The following PTPRM variants were observed in gnomAD, a reference collection of about 807,000 sequenced individuals.
The protein encoded by PTPRM is receptor-type tyrosine-protein phosphatase mu.
PTPRM carries 47 observed loss-of-function variants against 186.7 expected under a neutral mutation model. The observed-to-expected ratio is 0.25, with a 90% CI of 0.20 to 0.32. The LOEUF (loss-of-function observed/expected upper bound fraction) is 0.32, where lower values mean the gene tolerates loss of function less well. Among genes scored for constraint, PTPRM ranks in the 10% least tolerant of loss-of-function variants. The pLI is 1.00. For missense variants in PTPRM, 1,494 were observed against 1,865.0 expected (o/e 0.80, Z 3.66); for synonymous variants, 668 against 674.9 (o/e 0.99, Z 0.16).
At chr18:8,252,127 C>T (rs1274373354) in intron 17 of PTPRM, among the ~76,000 whole-genome samples, 1 of 152,084 alleles carries the variant, frequency 6.6e-6, no homozygotes, top group Admixed American at 6.6e-5. Context: ...CTTCTTTGAC[C>T]AAATTTTGAC....
chr18:8,082,662 T>A (rs1193850287), intron 9 of PTPRM, among the ~76,000 whole-genome samples: 1 of 151,944 alleles, frequency 6.6e-6, no homozygotes, highest in Non-Finnish European at 1.5e-5. Flanking sequence ...ATACCTACAT[T>A]CATTAGGGAG....
chr18:7,793,873 G>A (rs1005484627), intron 2 of PTPRM, among the ~76,000 whole-genome samples: 2 of 152,084 alleles, frequency 1.3e-5, no homozygotes, highest in Non-Finnish European at 2.9e-5. Context: ...GCTGGACATC[G>A]AGGGGAAAAC....
intron 14 of PTPRM, among the ~76,000 whole-genome samples, chr18:8,216,847 A>T (rs1178804897): frequency 6.6e-6 from 1 of 152,248 alleles, no homozygotes; most frequent in Non-Finnish European, 1.5e-5. Context: ...GTAATCAAGT[A>T]ACTCGTCCAG....
At chr18:8,298,001 A>C (rs1033491261) in intron 20 of PTPRM, among the ~76,000 whole-genome samples, 11 of 152,298 alleles carry the variant, frequency 7.2e-5, no homozygotes, top group Middle Eastern at 6.8e-3. Flanking sequence ...GATACTGGAC[A>C]CTGAGGACGC....
chr18:8,384,656 C>A lies in PTPRM; in HGVS notation c.4014C>A (p.Ser1338Arg). The A allele has an allele frequency of 6.2e-7, 1 of 1,614,164 alleles. No homozygotes were observed. The highest frequency in any genetic ancestry group is 8.5e-7 in the Non-Finnish European group (1 of 1,180,022). The change falls in exon 30 of 33, where the codon AGC becomes AGA. Residue 1338 changes from serine (S) to arginine (R), a missense_variant. By Grantham distance (110) the Ser-to-Arg change is moderately radical. This residue lies in a region of PTPRM where 1,107 missense variants were observed against 1,350.2 expected (regional missense o/e 0.82). Coordinates refer to ENST00000580170, the MANE Select transcript of PTPRM (RefSeq NM_001105244.2). ...CTGACCTGGAAGAGGACATCATCAG[C>A]AGGATATTCCGCATTTACAATGCCG... ...VSADLEEDII[S>R]RIFRIYNAAR... is the part of the protein sequence containing the mutation.
At position 7,629,933 on chromosome 18, in the gene PTPRM, A is replaced by G. The variant is rs548020148; in HGVS notation, c.73+62042A>G. Among the ~76,000 whole-genome samples, 11 of 152,182 alleles carry G rather than the reference A, an allele frequency of 7.2e-5. No individual in the cohort carries two copies. In the South Asian group the frequency reaches 2.3e-3, roughly 32 times the overall value. On this transcript the variant is annotated intron_variant, in intron 1 of 32. Coordinates refer to ENST00000580170, the MANE Select transcript of PTPRM (RefSeq NM_001105244.2). ...AGTATTCCAGGTGAATGACAAGGGG[A>G]CATGAGGAGGTTTTTTTGGGAGCTA...
intron 23 of PTPRM, among the ~76,000 whole-genome samples, chr18:8,343,752 C>T (rs1229535255): frequency 3.3e-5 from 5 of 152,188 alleles, no homozygotes; most frequent in Admixed American, 1.3e-4. Context: ...GATTTAAAAG[C>T]AGTTGTTATC....
In PTPRM at chr18:7,668,672, C is replaced by G. The variant is rs527569798; in HGVS notation, c.73+100781C>G. 6.6e-6 allele frequency among the ~76,000 whole-genome samples: 1 copy of G among 152,126 alleles called. No homozygotes were observed. The highest frequency in any genetic ancestry group is 2.4e-5 in the African/African-American group (1 of 41,446). ...CCTGCCAGTGGGGCCTCTGCTGCCT[C>G]AGCTCCCTCCCTGGAGGCTGTAATG... On this transcript the variant is annotated intron_variant, in intron 1 of 32. Coordinates refer to ENST00000580170, the MANE Select transcript of PTPRM (RefSeq NM_001105244.2). The surrounding 1 kb of genome is among the most constrained non-coding windows in gnomAD (Gnocchi z 4.7).
At chr18:8,243,078 C>T (rs919319396) in intron 14 of PTPRM, among the ~76,000 whole-genome samples, 10 of 152,194 alleles carry the variant, frequency 6.6e-5, no homozygotes, top group Admixed American at 6.5e-4. Context: ...GTCTTGGGTA[C>T]ACAAAACAAT....
chr18:7,604,935 A>G (rs1370347496), intron 1 of PTPRM, among the ~76,000 whole-genome samples: 1 of 152,218 alleles, frequency 6.6e-6, no homozygotes, highest in Non-Finnish European at 1.5e-5. Flanking sequence ...TTTATTTGAT[A>G]TAGCTGCTAT....
intron 7 of PTPRM, among the ~76,000 whole-genome samples, chr18:8,057,452 A>G (rs866296223): frequency 0.025 from 1,514 of 60,548 alleles, 31 homozygotes; most frequent in African/African-American, 0.11. Context: ...TTTTTTAGCT[A>G]TTCTTTTTTT....
chr18:7,672,921 G>A (rs200687469), intron 1 of PTPRM, among the ~76,000 whole-genome samples: 1 of 152,188 alleles, frequency 6.6e-6, no homozygotes. Context: ...GGCCACCATC[G>A]TGACTGAGTG....
At chr18:7,815,215 C>T (rs999862978) in intron 2 of PTPRM, 1 of 152,260 alleles carries the variant, frequency 6.6e-6, no homozygotes, top group African/African-American at 2.4e-5. Flanking sequence ...TCCCACATGT[C>T]ATTACGTTTC....
intron 1 of PTPRM, among the ~76,000 whole-genome samples, chr18:7,752,463 G>T (rs935177051): frequency 6.6e-6 from 1 of 151,958 alleles, no homozygotes; most frequent in African/African-American, 2.4e-5. Context: ...TGCTCTTGTC[G>T]CCCAGGCTGG....
chr18:7,750,487 T>G lies in PTPRM; in HGVS notation c.74-23662T>G, dbSNP rs141424184. On this transcript the variant is annotated intron_variant, in intron 1 of 32. Transcript: ENST00000580170. ...TTGTGCAGCTGCGGATAGAATAACATTCCTCGTATCAGTCTTTACTCAGCT... is the reference window on the plus strand; with the variant it reads ...TTGTGCAGCTGCGGATAGAATAACAGTCCTCGTATCAGTCTTTACTCAGCT... 5.7e-3 allele frequency among the ~76,000 whole-genome samples: 865 copies of G among 152,294 alleles called. 10 individuals carry two copies. The highest frequency in any genetic ancestry group is 5.9e-3 in the Non-Finnish European group (404 of 68,018).
chr18:8,363,124 G>A (rs539784015), intron 23 of PTPRM, among the ~76,000 whole-genome samples: 27 of 152,302 alleles, frequency 1.8e-4, no homozygotes, highest in East Asian at 1.2e-3. Context: ...ACCACAGCCC[G>A]GAGCTAAGCA....
In PTPRM at chr18:8,370,937, C is replaced by T; in HGVS notation, c.3102C>T (p.Asp1034=). ...CAGATGACACAGAGATATATAAAGA[C>T]ATTAAAGTTACCCTAATAGAAACAG... The part of the protein sequence containing the change: ...YWPDDTEIYK[D]IKVTLIETEL... Residue 1034 remains aspartate (D), a synonymous_variant, in exon 24 of 33, where the codon GAC becomes GAT. Transcript: ENST00000580170. The T allele has an allele frequency of 6.2e-7, 1 of 1,607,878 alleles. No homozygotes were observed. Among genetic ancestry groups the T allele is most frequent in the Non-Finnish European group, 8.5e-7 (1 of 1,175,326 alleles).
chr18:7,694,049 T>C (rs1286544129), intron 1 of PTPRM, among the ~76,000 whole-genome samples: 2 of 152,198 alleles, frequency 1.3e-5, no homozygotes, highest in Non-Finnish European at 2.9e-5. Context: ...GTCATGTTGC[T>C]TTCTGCCATG....
intron 2 of PTPRM, among the ~76,000 whole-genome samples, chr18:7,819,003 A>G (rs1386037457): frequency 6.6e-6 from 1 of 152,210 alleles, no homozygotes; most frequent in Non-Finnish European, 1.5e-5. Flanking sequence ...TGGGAGAGGT[A>G]AGGCCTGAGC....
Sources: allele counts gnomAD v4.1 joint callset (sites outside exome capture counted in the v4.1 genomes callset), GRCh38; gene constraint gnomAD v4.1.1; regional missense constraint gnomAD v4.1.1; non-coding constraint Gnocchi (gnomAD v3.1); transcripts MANE v1.5; gene names NCBI Gene and HGNC (gene_info 2026-07-23, HGNC 2026-07-21).